Variants in PCDHA7 observed in about 807,000 individuals in gnomAD.
PCDHA7 encodes protocadherin alpha 7, also known as protocadherin alpha-7.
A neutral mutation model predicts 57.2 loss-of-function variants in PCDHA7; 37 were observed. The ratio of observed to expected loss-of-function variants is 0.65; its 90% CI spans 0.50 to 0.85. The LOEUF (loss-of-function observed/expected upper bound fraction) is 0.85, where lower values mean the gene tolerates loss of function less well. PCDHA7 is among the 40% of genes least tolerant of loss of function. The probability of loss-of-function intolerance (pLI) is 0.00; values close to 1 mark genes in which losing one functional copy is unlikely to be tolerated. For synonymous variants in PCDHA7, 553 were observed against 558.8 expected (o/e 0.99, Z 0.15); for missense variants, 1,188 against 1,241.8 (o/e 0.96, Z 0.65).
At chr5:140,900,270 T>C (rs1203586696) in intron 1 of PCDHA7, among the ~76,000 whole-genome samples, 1 of 152,082 alleles carries the variant, frequency 6.6e-6, no homozygotes, top group Non-Finnish European at 1.5e-5. Flanking sequence ...ATTGTGTATA[T>C]GTACCACACT....
chr5:140,985,619 G>C (rs961379624), intron 3 of PCDHA7, among the ~76,000 whole-genome samples: 2 of 152,064 alleles, frequency 1.3e-5, no homozygotes, highest in African/African-American at 2.4e-5. Context: ...TGAACCAGCT[G>C]TGTATTGCTC....
rs1007708043 is a variant in PCDHA7 at position 140,967,271 on chromosome 5, A to G, written c.2356-11678A>G. 3.1e-6 allele frequency: 5 copies of G among 1,613,338 alleles called. No individual in the cohort carries two copies. The South Asian group carries it at 5.5e-5, about 18-fold the overall frequency. On this transcript the variant is annotated intron_variant, in intron 1 of 3. Transcript: ENST00000525929. The stretch of plus-strand genomic sequence containing the variant: ...GGTGGCGCCTGGAGCGCGCTTTCAC[A>G]TAGAGAGTGCGCAGGACCCCGACGT...
At chr5:140,967,718 C>G (rs959323631) in intron 1 of PCDHA7, 1 of 1,613,988 alleles carries the variant, frequency 6.2e-7, no homozygotes, top group Non-Finnish European at 8.5e-7. Flanking sequence ...CGGGGAAGTG[C>G]GAGTAATTGG....
rs188500854 is a variant in PCDHA7 at position 140,955,348 on chromosome 5, G to C, written c.2356-23601G>C. ...GTAGTTCCCATAATCCCCACATGTT[G>C]TGAGAGGGACCCAGTGGGAGGTAAT... On this transcript the variant is annotated intron_variant, in intron 1 of 3. Coordinates refer to ENST00000525929, the MANE Select transcript of PCDHA7 (RefSeq NM_018910.3). Among the ~76,000 whole-genome samples the C allele has an allele frequency of 1.6e-4, 24 of 152,204 alleles. No individual in the cohort carries two copies. The East Asian group carries it at 2.7e-3, about 17-fold the overall frequency.
At chr5:140,908,342 A>G (rs542660039) in intron 1 of PCDHA7, among the ~76,000 whole-genome samples, 48 of 152,196 alleles carry the variant, frequency 3.2e-4, no homozygotes, top group Non-Finnish European at 5.3e-4. Flanking sequence ...TTGAGCCACT[A>G]CCTCATGTAA....
intron 1 of PCDHA7, chr5:140,851,545 G>T (rs912054365): frequency 2.4e-5 from 22 of 908,160 alleles, no homozygotes; most frequent in Non-Finnish European, 2.7e-5. Flanking sequence ...GATAATTCAA[G>T]AAATGTTGAC....
At chr5:140,850,223 A>T in intron 1 of PCDHA7, 1 of 1,593,640 alleles carries the variant, frequency 6.3e-7, no homozygotes, top group Non-Finnish European at 8.6e-7. Flanking sequence ...CTGACGGCGC[A>T]GTGAGCGAGA....
intron 3 of PCDHA7, among the ~76,000 whole-genome samples, chr5:140,988,509 TA>T (rs2097301045): frequency 6.6e-6 from 1 of 152,170 alleles, no homozygotes; most frequent in Non-Finnish European, 1.5e-5. Flanking sequence ...CCATGAAGCT[TA>T]CTTAAGTCTC....
At chr5:140,926,470 GT>G (rs1204371892) in intron 1 of PCDHA7, 7 of 162,858 alleles carry the variant, frequency 4.3e-5, no homozygotes, top group Non-Finnish European at 9.2e-5. Context: ...AGAAAACACC[GT>G]TTAAGGAGAG....
chr5:140,997,781 C>T (rs1207024588), intron 3 of PCDHA7, among the ~76,000 whole-genome samples: 3 of 151,626 alleles, frequency 2.0e-5, no homozygotes, highest in African/African-American at 7.3e-5. Flanking sequence ...TGTTGTATAC[C>T]TATATTATAA....
Position 140,850,115 on chromosome 5 carries a change from G to C in PCDHA7, c.2355+13377G>C, listed in dbSNP as rs2150468444. ...AGTTCCAGGTGAGCGCGCGCGACGCGGGCGTGCCGCCTCTGGGCAGCAACG... is the reference window on the plus strand; with the variant it reads ...AGTTCCAGGTGAGCGCGCGCGACGCCGGCGTGCCGCCTCTGGGCAGCAACG... On this transcript the variant is annotated intron_variant, in intron 1 of 3. Transcript: ENST00000525929. The C allele has an allele frequency of 8.1e-6, 13 of 1,596,094 alleles. 2 individuals are homozygous for C. Among genetic ancestry groups the C allele is most frequent in the Non-Finnish European group, 1.1e-5 (13 of 1,167,854 alleles).
At chr5:140,996,884 A>T (rs1411027110) in intron 3 of PCDHA7, among the ~76,000 whole-genome samples, 1 of 152,186 alleles carries the variant, frequency 6.6e-6, no homozygotes, top group African/African-American at 2.4e-5. Flanking sequence ...TGTATTTTTA[A>T]ATAAAATAGA....
intron 3 of PCDHA7, among the ~76,000 whole-genome samples, chr5:140,985,179 C>T (rs1056430017): frequency 5.9e-5 from 9 of 152,132 alleles, no homozygotes; most frequent in African/African-American, 1.9e-4. Flanking sequence ...CCTCGTAATC[C>T]GCCTGCCTCG....
chr5:140,870,016 G>A (rs1554163708), intron 1 of PCDHA7: 1 of 1,613,448 alleles, frequency 6.2e-7, no homozygotes, highest in Non-Finnish European at 8.5e-7. Flanking sequence ...GAGGGTCAAT[G>A]GAACTTTAGA....
At chr5:140,883,609 C>T (rs2059699123) in intron 1 of PCDHA7, 1 of 1,614,032 alleles carries the variant, frequency 6.2e-7, no homozygotes, top group Non-Finnish European at 8.5e-7. Flanking sequence ...GGGTGGCCGA[C>T]GTGAACGACA....
At chr5:140,992,514 G>A (rs1256283066) in intron 3 of PCDHA7, among the ~76,000 whole-genome samples, 1 of 152,176 alleles carries the variant, frequency 6.6e-6, no homozygotes, top group Non-Finnish European at 1.5e-5. Flanking sequence ...CTGGGGCATG[G>A]TAGCTAATGG....
intron 1 of PCDHA7, among the ~76,000 whole-genome samples, chr5:140,878,958 T>C (rs2057789754): frequency 6.6e-6 from 1 of 152,208 alleles, no homozygotes; most frequent in Admixed American, 6.5e-5. Context: ...TTGAAATGTA[T>C]TACCTGGACA....
At chr5:140,884,119 C>T (rs782009154) in intron 1 of PCDHA7, 1 of 1,613,310 alleles carries the variant, frequency 6.2e-7, no homozygotes. Context: ...CGGCGGTCGG[C>T]GCGCGCATCC....
At chr5:140,929,268 A>G (rs1303371377) in intron 1 of PCDHA7, 1 of 1,611,476 alleles carries the variant, frequency 6.2e-7, no homozygotes, top group Non-Finnish European at 8.5e-7. Flanking sequence ...TGAATTTGCC[A>G]ATATCCTGTA....
Sources: allele counts gnomAD v4.1 joint callset (sites outside exome capture counted in the v4.1 genomes callset), GRCh38; gene constraint gnomAD v4.1.1; transcripts MANE v1.5; gene names NCBI Gene and HGNC (gene_info 2026-07-23, HGNC 2026-07-21).